The following ELP4 variants were observed in gnomAD, a reference collection of about 807,000 sequenced individuals.
ELP4 encodes elongator acetyltransferase complex subunit 4, also known as elongator complex protein 4.
A neutral mutation model predicts 48.9 loss-of-function variants in ELP4; 51 were observed. The ratio of observed to expected loss-of-function variants is 1.04; its 90% confidence interval spans 0.83 to 1.32. The LOEUF is 1.32. Ranked by LOEUF, ELP4 falls within the 40% of genes most tolerant of loss-of-function variation. The probability of loss-of-function intolerance (pLI) is 0.00; values close to 1 mark genes in which losing one functional copy is unlikely to be tolerated. For missense variants in ELP4, 519 were observed against 514.6 expected (o/e 1.01, Z -0.08); for synonymous variants, 210 against 189.2 (o/e 1.11, Z -0.90).
intron 3 of ELP4, among the ~76,000 whole-genome samples, chr11:31,547,010 C>T (rs1052522406): frequency 6.6e-6 from 1 of 151,946 alleles, no homozygotes; most frequent in African/African-American, 2.4e-5. Flanking sequence ...ATTTATAGCA[C>T]TAAATGCCCA....
chr11:31,609,610 T>C (rs1957938293), intron 5 of ELP4, among the ~76,000 whole-genome samples: 1 of 152,072 alleles, frequency 6.6e-6, no homozygotes, highest in Admixed American at 6.5e-5. Context: ...CATATGGTTA[T>C]GAGATGCCCG....
chr11:31,712,591 A>ATC (rs1416538298), intron 9 of ELP4, among the ~76,000 whole-genome samples: 2 of 152,162 alleles, frequency 1.3e-5, no homozygotes, highest in Admixed American at 6.5e-5. Context: ...AAATGTCTTT[A>ATC]TCATACTATT....
At chr11:31,695,386 G>A (rs568988222) in intron 9 of ELP4, among the ~76,000 whole-genome samples, 64 of 151,954 alleles carry the variant, frequency 4.2e-4, no homozygotes, top group African/African-American at 1.3e-3. Flanking sequence ...GAATTTTTTC[G>A]GAGGCCTTTT....
chr11:31,690,787 T>G (rs889321581), intron 9 of ELP4, among the ~76,000 whole-genome samples: 21 of 144,780 alleles, frequency 1.5e-4, no homozygotes, highest in Non-Finnish European at 2.6e-4. Context: ...TTCATGTGGG[T>G]TTTTTTTCCT....
At chr11:31,738,287 G>A (rs1291866823) in intron 9 of ELP4, among the ~76,000 whole-genome samples, 2 of 148,872 alleles carry the variant, frequency 1.3e-5, no homozygotes, top group Admixed American at 1.4e-4. Flanking sequence ...GGTGATGCAT[G>A]CCTGTAGTCC....
intron 9 of ELP4, among the ~76,000 whole-genome samples, chr11:31,725,878 G>A (rs966498843): frequency 2.0e-5 from 3 of 152,246 alleles, no homozygotes; most frequent in Admixed American, 1.3e-4. Context: ...TCCCCATGCC[G>A]TTATATTTAT....
intron 9 of ELP4, among the ~76,000 whole-genome samples, chr11:31,719,295 C>T (rs1297835035): frequency 6.6e-6 from 1 of 151,796 alleles, no homozygotes; most frequent in Non-Finnish European, 1.5e-5. Flanking sequence ...AAATCTGTAC[C>T]TGTAAATAGG....
intron 9 of ELP4, chr11:31,681,648 A>G (rs1565109404): frequency 6.5e-6 from 1 of 152,686 alleles, no homozygotes; most frequent in East Asian, 1.9e-4. Context: ...CTGGAAGAAG[A>G]TGGACAGAAG....
At chr11:31,732,354 G>C (rs1246916862) in intron 9 of ELP4, among the ~76,000 whole-genome samples, 1 of 151,774 alleles carries the variant, frequency 6.6e-6, no homozygotes, top group East Asian at 1.9e-4. Flanking sequence ...GTTGTTATCA[G>C]CTTAAAATAT....
chr11:31,538,211 T>C (rs1956534110), intron 2 of ELP4, among the ~76,000 whole-genome samples: 2 of 150,198 alleles, frequency 1.3e-5, no homozygotes, highest in Non-Finnish European at 3.0e-5. Context: ...ATAGTATAAT[T>C]CTTTAAATAC....
intron 9 of ELP4, among the ~76,000 whole-genome samples, chr11:31,749,715 T>A (rs1050978058): frequency 7.2e-5 from 11 of 152,116 alleles, no homozygotes; most frequent in Admixed American, 1.3e-4. Flanking sequence ...AAAAAATAAA[T>A]ACATAAATAT....
chr11:31,671,667 A>G (rs1283666126), intron 9 of ELP4, among the ~76,000 whole-genome samples: 1 of 152,158 alleles, frequency 6.6e-6, no homozygotes, highest in Non-Finnish European at 1.5e-5. Flanking sequence ...ACAGATACAT[A>G]TGAGTATTTA....
At chr11:31,595,184 A>G (rs1396402672) in intron 4 of ELP4, among the ~76,000 whole-genome samples, 3 of 152,174 alleles carry the variant, frequency 2.0e-5, no homozygotes, top group Non-Finnish European at 4.4e-5. Flanking sequence ...ATTTCTATCC[A>G]GTATGTTTAC....
At chr11:31,711,841 A>G (rs1237332944) in intron 9 of ELP4, among the ~76,000 whole-genome samples, 1 of 152,162 alleles carries the variant, frequency 6.6e-6, no homozygotes, top group Non-Finnish European at 1.5e-5. Flanking sequence ...CCTGCAAATT[A>G]TCAACTGGCC....
chr11:31,731,013 A>C (rs1288764269), intron 9 of ELP4, among the ~76,000 whole-genome samples: 1 of 152,148 alleles, frequency 6.6e-6, no homozygotes, highest in Non-Finnish European at 1.5e-5. Flanking sequence ...AAATCTAAAC[A>C]CACAAGTTTA....
chr11:31,545,133 C>G (rs1956676383), intron 3 of ELP4, among the ~76,000 whole-genome samples: 1 of 152,170 alleles, frequency 6.6e-6, no homozygotes, highest in African/African-American at 2.4e-5. Flanking sequence ...CAAAGTTGGA[C>G]AGAGAATGAC....
intron 9 of ELP4, chr11:31,653,201 A>G (rs1404588740): frequency 6.6e-6 from 1 of 151,768 alleles, no homozygotes; most frequent in Non-Finnish European, 1.5e-5. Flanking sequence ...CAAAAACCAT[A>G]GCAGAATCAT....
intron 9 of ELP4, among the ~76,000 whole-genome samples, chr11:31,757,010 T>C (rs1486576077): frequency 6.6e-6 from 1 of 152,218 alleles, no homozygotes; most frequent in African/African-American, 2.4e-5. Flanking sequence ...TTCTTCGCCA[T>C]CTTTAAACTT....
At chr11:31,589,346 G>A (rs539404922) in intron 3 of ELP4, among the ~76,000 whole-genome samples, 22 of 152,178 alleles carry the variant, frequency 1.4e-4, no homozygotes, top group Admixed American at 2.6e-4. Context: ...ATGAAATGTC[G>A]AAGAATATCA....
Sources: allele counts gnomAD v4.1 joint callset (sites outside exome capture counted in the v4.1 genomes callset), GRCh38; gene constraint gnomAD v4.1.1; transcripts MANE v1.5; gene names NCBI Gene and HGNC (gene_info 2026-07-23, HGNC 2026-07-21).